YY1: variants seen among roughly 807,000 people sequenced by gnomAD.
The protein encoded by YY1 is YY1 transcription factor.
In YY1, 2 loss-of-function variants were observed where a neutral mutation model predicts 35.6. The ratio of observed to expected loss-of-function variants is 0.06; its 90% CI spans 0.02 to 0.18. The LOEUF (loss-of-function observed/expected upper bound fraction) is 0.18, where lower values mean the gene tolerates loss of function less well. YY1 is among the 10% of genes least tolerant of loss of function. The probability of loss-of-function intolerance (pLI) is 1.00; values close to 1 mark genes in which losing one functional copy is unlikely to be tolerated. For missense variants in YY1, 322 were observed against 573.4 expected, an observed-to-expected ratio of 0.56 and a Z score of 4.48; for synonymous variants, 268 against 238.9, an observed-to-expected ratio of 1.12 and a Z score of -1.12.
chr14:100,254,571 C>T (rs1056848587), intron 1 of YY1, among the ~76,000 whole-genome samples: 1 of 152,044 alleles, frequency 6.6e-6, no homozygotes, highest in African/African-American at 2.4e-5. Context: ...GGTTCTTTTG[C>T]CTCAGTCTCC....
At chr14:100,274,012 A>G (rs1891284775) in intron 2 of YY1, among the ~76,000 whole-genome samples, 1 of 152,166 alleles carries the variant, frequency 6.6e-6, no homozygotes, top group Non-Finnish European at 1.5e-5. Context: ...GTAGGGTAAC[A>G]GTATGAGAGT....
intron 1 of YY1, among the ~76,000 whole-genome samples, chr14:100,240,384 GCGCCCC>G (rs572444521): frequency 4.0e-5 from 6 of 150,236 alleles, no homozygotes; most frequent in African/African-American, 1.5e-4. Context: ...TCCGGGACGC[GCGCCCC>G]CGCCCCCGCC....
At chr14:100,269,000 G>A (rs576491315) in intron 2 of YY1, among the ~76,000 whole-genome samples, 27 of 152,300 alleles carry the variant, frequency 1.8e-4, no homozygotes, top group South Asian at 4.1e-4. Flanking sequence ...TCTTTACAAC[G>A]TTCTTCCCAC....
intron 1 of YY1, among the ~76,000 whole-genome samples, chr14:100,241,398 G>T (rs1429189278): frequency 6.6e-6 from 1 of 152,188 alleles, no homozygotes; most frequent in Non-Finnish European, 1.5e-5. Flanking sequence ...AAGCTAGTTT[G>T]TATCTGGTGA....
At chr14:100,246,254 T>C (rs1890831833) in intron 1 of YY1, among the ~76,000 whole-genome samples, 2 of 152,224 alleles carry the variant, frequency 1.3e-5, no homozygotes, top group African/African-American at 4.8e-5. Flanking sequence ...TGCCTGCCCA[T>C]GGCTAATGAG....
chr14:100,261,570 C>T (rs7146161), intron 1 of YY1, among the ~76,000 whole-genome samples: 2,709 of 152,280 alleles, frequency 0.018, 99 homozygotes, highest in African/African-American at 0.062. Context: ...ACTGACCAAC[C>T]TCCATGTCCA....
At chr14:100,259,530 A>T (rs1891051343) in intron 1 of YY1, among the ~76,000 whole-genome samples, 1 of 152,164 alleles carries the variant, frequency 6.6e-6, no homozygotes, top group South Asian at 2.1e-4. Flanking sequence ...AAAAAAAAAA[A>T]AGAGGCAAGA....
At chr14:100,242,128 A>G (rs1347122012) in intron 1 of YY1, among the ~76,000 whole-genome samples, 1 of 152,142 alleles carries the variant, frequency 6.6e-6, no homozygotes, top group Non-Finnish European at 1.5e-5. Flanking sequence ...ACTTTTTCTC[A>G]TAGTGTGTGG....
rs1329282810 is a variant in YY1, at chr14:100,239,285, C to T, written c.41C>T (p.Ser14Leu). The T allele has an allele frequency of 6.3e-7, 1 of 1,593,756 alleles. No individual in the cohort carries two copies. The highest frequency in any genetic ancestry group is 1.7e-5 in the Admixed American group (1 of 57,844). The change falls in exon 1 of 5, where the codon TCG becomes TTG. Residue 14 changes from serine to leucine, a missense_variant. Physicochemically the swap from Ser to Leu is moderately radical, Grantham distance 145. Coordinates refer to ENST00000262238, the MANE Select transcript of YY1 (RefSeq NM_003403.5). ...ACCCTCTACATCGCCACGGACGGCT[C>T]GGAGATGCCGGCCGAGATCGTGGAG... ...GDTLYIATDGSEMPAEIVELH... is the reference protein window; with the variant it reads ...GDTLYIATDGLEMPAEIVELH...
rs148266632 is a variant in YY1, at chr14:100,252,849, G to A, written c.680-9455G>A. 2.9e-4 allele frequency among the ~76,000 whole-genome samples: 44 copies of A among 152,174 alleles called. 1 individual carries two copies. Among genetic ancestry groups the A allele is most frequent in the African/African-American group, 1.0e-3 (43 of 41,532 alleles). On this transcript the variant is annotated intron_variant, in intron 1 of 4. Coordinates refer to ENST00000262238, the MANE Select transcript of YY1 (RefSeq NM_003403.5). ...GCCCAGGAGTTCAAGACTAGCCTGGGCAACATAGTGAGACCCCATCTCTAC... is the reference window on the plus strand; with the variant it reads ...GCCCAGGAGTTCAAGACTAGCCTGGACAACATAGTGAGACCCCATCTCTAC...
Position 100,239,390 on chromosome 14 carries a change from A to ACGACGACGAGGACGG in YY1, c.149_163dup (p.Asp50_Gly54dup), listed in dbSNP as rs779624154. 3.1e-6 allele frequency: 5 copies of ACGACGACGAGGACGG among 1,599,564 alleles called. No individual in the cohort carries two copies. In the East Asian group the frequency reaches 6.8e-5, roughly 22 times the overall value. The stretch of plus-strand genomic sequence containing the variant: ...GTGGGCGAGGAGGAGGAGGAGGACG[A>ACGACGACGAGGACGG]CGACGACGAGGACGGCGGCGGTGGC... On this transcript the variant is annotated inframe_insertion, in exon 1 of 5. Coordinates refer to ENST00000262238, the MANE Select transcript of YY1 (RefSeq NM_003403.5).
rs1891424200 is a variant in YY1, at chr14:100,281,219, AATTATTTAATT to A, written c.*3623_*3633del. On this transcript the variant is annotated 3_prime_UTR_variant, in exon 5 of 5. Transcript: ENST00000262238. ...TGGGAAATTCATGTTGTTGATCTTT[AATTATTTAATT>A]ATTCTTTAATAATCCTTCTATTTTC... The A allele has an allele frequency of 6.6e-6, 1 of 151,196 alleles. No individual in the cohort carries two copies. The highest frequency in any genetic ancestry group is 2.4e-5 in the African/African-American group (1 of 41,018). The allele number at this position is 151,196 out of a possible 1,614,324, so 9.4% of individuals were successfully genotyped here. A position where few individuals can be genotyped will look rare whatever the true frequency, so the allele number is the denominator to read the frequency against.
intron 1 of YY1, among the ~76,000 whole-genome samples, chr14:100,241,457 A>G (rs1890740483): frequency 6.6e-6 from 1 of 152,192 alleles, no homozygotes; most frequent in Admixed American, 6.5e-5. Context: ...TGATTGAAAG[A>G]GGCCTGAGCA....
Position 100,280,670 on chromosome 14 carries a change from A to T in YY1, c.*3070A>T, listed in dbSNP as rs1287851164. On this transcript the variant is annotated 3_prime_UTR_variant, in exon 5 of 5. Coordinates refer to ENST00000262238, the MANE Select transcript of YY1 (RefSeq NM_003403.5). ...AATGTCACTTATTTTGCTAAATAAG[A>T]CCCTTTCACAGGATAGTGTGCGCAA... The T allele has an allele frequency of 6.6e-6, 1 of 151,888 alleles. No homozygotes were observed. The highest frequency in any genetic ancestry group is 2.1e-4 in the South Asian group (1 of 4,822). The allele number at this position is 151,888 out of a possible 1,614,324, so 9.4% of individuals were successfully genotyped here.
intron 2 of YY1, among the ~76,000 whole-genome samples, chr14:100,270,962 T>A (rs1219433058): frequency 3.3e-5 from 5 of 150,418 alleles, no homozygotes; most frequent in South Asian, 2.1e-4. Context: ...AAAAAAAAAA[T>A]AGGCTGGGCG....
At position 100,281,621 on chromosome 14, in the gene YY1, T is replaced by C. The variant is rs925156140; in HGVS notation, c.*4021T>C. 1.3e-5 allele frequency: 2 copies of C among 152,232 alleles called. No individual in the cohort carries two copies. The highest frequency in any genetic ancestry group is 2.4e-5 in the African/African-American group (1 of 41,456). 9.4% of individuals were successfully genotyped at this position (152,232 alleles called of 1,614,324 possible). ...TCTTGGGGTTCTGGCCATGCACTTCTTAGCCTTCTCTCTGACTTTACAGGA... is the reference window on the plus strand; with the variant it reads ...TCTTGGGGTTCTGGCCATGCACTTCCTAGCCTTCTCTCTGACTTTACAGGA... On this transcript the variant is annotated 3_prime_UTR_variant, in exon 5 of 5. Transcript: ENST00000262238.
intron 1 of YY1, among the ~76,000 whole-genome samples, chr14:100,247,441 G>C (rs1366949551): frequency 1.3e-5 from 2 of 151,078 alleles, no homozygotes; most frequent in Non-Finnish European, 2.9e-5. Flanking sequence ...GAGTACAGTG[G>C]CACAATCTCA....
chr14:100,265,334 CGT>C (rs1228504612), intron 2 of YY1: 2 of 151,686 alleles, frequency 1.3e-5, no homozygotes, highest in Non-Finnish European at 2.9e-5. Flanking sequence ...GCTGAGATCA[CGT>C]CATCGCACTC....
Position 100,277,240 on chromosome 14 carries a change from T to C in YY1, c.1063-178T>C, listed in dbSNP as rs192474822. Reference sequence around the variant, plus strand: ...GTTCGTGAGGGCTCTCCTTGGGTTTTCGGGGTTGTCCAACCTGCCTGCTGA... The same window carrying C: ...GTTCGTGAGGGCTCTCCTTGGGTTTCCGGGGTTGTCCAACCTGCCTGCTGA... On this transcript the variant is annotated intron_variant, in intron 4 of 4. Transcript: ENST00000262238. The surrounding 1 kb of genome is among the most constrained non-coding windows in gnomAD (Gnocchi z 5.6). 285 of 768,280 alleles carry C rather than the reference T, an allele frequency of 3.7e-4. No individual in the cohort carries two copies. In the African/African-American group the frequency reaches 4.3e-3, roughly 12 times the overall value. The allele number at this position is 768,280 out of a possible 1,614,324, so 47.6% of individuals were successfully genotyped here.
Sources: allele counts gnomAD v4.1 joint callset (sites outside exome capture counted in the v4.1 genomes callset), GRCh38; gene constraint gnomAD v4.1.1; non-coding constraint Gnocchi (gnomAD v3.1); transcripts MANE v1.5; gene names NCBI Gene and HGNC (gene_info 2026-07-23, HGNC 2026-07-21).